Variants in PREX1 observed in about 807,000 individuals in gnomAD.
PREX1 encodes phosphatidylinositol-3,4,5-trisphosphate dependent Rac exchange factor 1, also known as phosphatidylinositol 3,4,5-trisphosphate-dependent Rac exchanger 1 protein.
PREX1 carries 41 observed loss-of-function variants against 198.3 expected under a neutral mutation model. The observed-to-expected ratio is 0.21, with a 90% CI of 0.16 to 0.27. The LOEUF is 0.27. PREX1 is among the 10% of genes least tolerant of loss of function. The probability of loss-of-function intolerance (pLI) is 1.00; values close to 1 mark genes in which losing one functional copy is unlikely to be tolerated. For synonymous variants in PREX1, 843 were observed against 887.2 expected, an observed-to-expected ratio of 0.95 and a Z score of 0.89; for missense variants, 1,620 against 2,200.7, an observed-to-expected ratio of 0.74 and a Z score of 5.28.
At chr20:48,731,606 C>T (rs919769780) in intron 4 of PREX1, among the ~76,000 whole-genome samples, 4 of 152,244 alleles carry the variant, frequency 2.6e-5, no homozygotes, top group African/African-American at 9.6e-5. Context: ...TTCTCCATCA[C>T]TCAGCTGGTG....
At chr20:48,627,519 AG>A in intron 39 of PREX1, 28 bp downstream of exon 39, 1 of 1,613,246 alleles carries the variant, frequency 6.2e-7, no homozygotes, top group Non-Finnish European at 8.5e-7. Flanking sequence ...GGGAGTGGAC[AG>A]GAAGGGGCGG....
chr20:48,683,618 G>A (rs749858616), intron 10 of PREX1, among the ~76,000 whole-genome samples: 3 of 152,310 alleles, frequency 2.0e-5, no homozygotes, highest in South Asian at 2.1e-4. Flanking sequence ...AGAACCAGCC[G>A]GGGCCTGCCG....
chr20:48,730,891 G>T lies in PREX1; in HGVS notation c.519+3655C>A, dbSNP rs184765560. On this transcript the variant is annotated intron_variant, in intron 4 of 39. Coordinates refer to ENST00000371941, the MANE Select transcript of PREX1 (RefSeq NM_020820.4). The stretch of plus-strand genomic sequence containing the variant: ...TGCACACTATAGTCCCAGCTTCTCA[G>T]AAGACTAAATGGGAGGATGGCTTGA... Among the ~76,000 whole-genome samples, 165 of 152,196 alleles carry T rather than the reference G, an allele frequency of 1.1e-3. 4 individuals are homozygous for T. The highest frequency in any genetic ancestry group is 3.8e-3 in the African/African-American group (156 of 41,518).
chr20:48,703,491 C>G (rs2089886062), intron 6 of PREX1, among the ~76,000 whole-genome samples: 1 of 152,222 alleles, frequency 6.6e-6, no homozygotes, highest in African/African-American at 2.4e-5. Context: ...CGCGAACTCC[C>G]TGGGGCTTCA....
At chr20:48,797,518 C>T (rs1271829577) in intron 1 of PREX1, among the ~76,000 whole-genome samples, 3 of 152,116 alleles carry the variant, frequency 2.0e-5, no homozygotes, top group Admixed American at 6.5e-5. Context: ...ACAGCTGACC[C>T]AGCTCTCTCT....
At chr20:48,794,048 G>T (rs1226695648) in intron 1 of PREX1, among the ~76,000 whole-genome samples, 1 of 152,164 alleles carries the variant, frequency 6.6e-6, no homozygotes, top group East Asian at 1.9e-4. Context: ...CTCACTAGAA[G>T]CCCCCATGGG....
rs944119008 is a variant in PREX1, at chr20:48,762,595, T to C, written c.220-14715A>G. Among the ~76,000 whole-genome samples the C allele has an allele frequency of 9.9e-5, 15 of 152,162 alleles. No individual in the cohort carries two copies. The East Asian group carries it at 2.9e-3, about 29-fold the overall frequency. ...ATTTTGGGTTCAAATCCTGGTTCGGTCATTTGCTGGCTGTGTGACCCTAAA... is the reference window on the plus strand; with the variant it reads ...ATTTTGGGTTCAAATCCTGGTTCGGCCATTTGCTGGCTGTGTGACCCTAAA... On this transcript the variant is annotated intron_variant, in intron 1 of 39. Coordinates refer to ENST00000371941, the MANE Select transcript of PREX1 (RefSeq NM_020820.4).
chr20:48,787,635 A>AAAAAC lies in PREX1; in HGVS notation c.220-39760_220-39756dup, dbSNP rs374626612. Among the ~76,000 whole-genome samples, 18 of 151,976 alleles carry AAAAAC rather than the reference A, an allele frequency of 1.2e-4. No homozygotes were observed. The East Asian group carries it at 2.3e-3, about 20-fold the overall frequency. On this transcript the variant is annotated intron_variant, in intron 1 of 39. Coordinates refer to ENST00000371941, the MANE Select transcript of PREX1 (RefSeq NM_020820.4). ...AAAAAAAAAAAGCAACCATAAAACA[A>AAAAAC]AAAACAAAACAAAACAAAAAAACAT...
In PREX1 at chr20:48,624,531, GGCCTGGGGGCAGCAGGGA is replaced by G. The variant is rs2089254956; in HGVS notation, c.*1336_*1353del. ...ATGCCGGGAGGGCTTCAAGCTCCCA[GGCCTGGGGGCAGCAGGGA>G]GCCCCCACCTGAACTCACCACCTGC... is the stretch of plus-strand genomic sequence containing the variant. On this transcript the variant is annotated 3_prime_UTR_variant, in exon 40 of 40. Transcript: ENST00000371941. 2 of 152,348 alleles carry G rather than the reference GGCCTGGGGGCAGCAGGGA, an allele frequency of 1.3e-5. No individual in the cohort carries two copies. The highest frequency in any genetic ancestry group is 2.9e-5 in the Non-Finnish European group (2 of 68,040). 9.4% of individuals were successfully genotyped at this position (152,348 alleles called of 1,614,324 possible).
At chr20:48,829,599 G>A (rs2090531183), upstream of PREX1, among the ~76,000 whole-genome samples, 1 of 152,190 alleles carries the variant, frequency 6.6e-6, no homozygotes, top group African/African-American at 2.4e-5. Flanking sequence ...GGGTAGTGGA[G>A]TCAATTGTGT....
chr20:48,793,098 G>A (rs923916182), intron 1 of PREX1, among the ~76,000 whole-genome samples: 3 of 152,156 alleles, frequency 2.0e-5, no homozygotes, highest in African/African-American at 4.8e-5. Context: ...CCAGCTACTT[G>A]GAAGGCTGAG....
At chr20:48,671,176 G>A (rs1288973571) in intron 14 of PREX1, among the ~76,000 whole-genome samples, 1 of 152,216 alleles carries the variant, frequency 6.6e-6, no homozygotes, top group African/African-American at 2.4e-5. Flanking sequence ...GTGTATGTCA[G>A]ACCCATCCAG....
chr20:48,833,443 CT>C, the PREX1 span, among the ~76,000 whole-genome samples: 76,365 of 122,730 alleles, frequency 0.62, 22,673 homozygotes, highest in Non-Finnish European at 0.7. Context: ...TCTTTTCTTT[CT>C]TTTTTTTTTT....
At chr20:48,823,804 A>G (rs1387551560) in intron 1 of PREX1, among the ~76,000 whole-genome samples, 5 of 152,170 alleles carry the variant, frequency 3.3e-5, no homozygotes, top group African/African-American at 1.2e-4. Context: ...AAGGCGGTCT[A>G]TCAAGTGGCT....
chr20:48,728,672 G>A (rs1347494615), intron 4 of PREX1, among the ~76,000 whole-genome samples: 1 of 152,204 alleles, frequency 6.6e-6, no homozygotes, highest in African/African-American at 2.4e-5. Context: ...CAGGGCGCCT[G>A]GGGGTGGGGA....
At chr20:48,640,270 G>A (rs1320248149) in intron 29 of PREX1, among the ~76,000 whole-genome samples, 1 of 151,692 alleles carries the variant, frequency 6.6e-6, no homozygotes, top group Non-Finnish European at 1.5e-5. Context: ...CAATTGAGAT[G>A]GCACATGAGT....
chr20:48,862,792 T>TAA, the PREX1 span, among the ~76,000 whole-genome samples: 1 of 64,616 alleles, frequency 1.5e-5, no homozygotes, highest in Non-Finnish European at 3.6e-5. Context: ...AAAAAAAAAA[T>TAA]ATATATATAT....
chr20:48,691,168 C>T lies in PREX1; in HGVS notation c.1037-72G>A. The T allele has an allele frequency of 6.3e-7, 1 of 1,591,812 alleles. No individual in the cohort carries two copies. The highest frequency in any genetic ancestry group is 8.6e-7 in the Non-Finnish European group (1 of 1,162,376). On this transcript the variant is annotated intron_variant, in intron 8 of 39. Coordinates refer to ENST00000371941, the MANE Select transcript of PREX1 (RefSeq NM_020820.4). This position sits in a 1 kb window ranked among gnomAD's most constrained non-coding sequence, Gnocchi z 5.0. Reference sequence around the variant, plus strand: ...ACCTTCAACACTCCCCATTGCCAAGCCCTTCCGCCCCAGCACAGGCAGGGC... The same window carrying T: ...ACCTTCAACACTCCCCATTGCCAAGTCCTTCCGCCCCAGCACAGGCAGGGC...
intron 10 of PREX1, among the ~76,000 whole-genome samples, chr20:48,683,745 C>A (rs1052525038): frequency 1.6e-4 from 24 of 152,190 alleles, no homozygotes; most frequent in African/African-American, 5.5e-4. Flanking sequence ...CCTGTGAAAT[C>A]TCCCCATCAT....
Sources: allele counts gnomAD v4.1 joint callset (sites outside exome capture counted in the v4.1 genomes callset), GRCh38; gene constraint gnomAD v4.1.1; non-coding constraint Gnocchi (gnomAD v3.1); transcripts MANE v1.5; gene names NCBI Gene and HGNC (gene_info 2026-07-23, HGNC 2026-07-21).